Variants in MDGA1 observed in about 807,000 individuals in gnomAD.
MDGA1 encodes the protein MAM domain-containing glycosylphosphatidylinositol anchor protein 1.
MDGA1 carries 54 observed loss-of-function variants against 101.5 expected under a neutral mutation model. The ratio of observed to expected loss-of-function variants is 0.53; its 90% CI spans 0.43 to 0.67. The LOEUF (loss-of-function observed/expected upper bound fraction) is 0.67. MDGA1 is among the 30% of genes least tolerant of loss of function. The pLI is 0.00. For synonymous variants in MDGA1, 533 were observed against 558.3 expected, an observed-to-expected ratio of 0.95 and a Z score of 0.64; for missense variants, 1,083 against 1,323.8, an observed-to-expected ratio of 0.82 and a Z score of 2.82.
At position 37,635,175 on chromosome 6, in the gene MDGA1, A is replaced by C; in HGVS notation, c.*2193T>G. 3.3e-6 allele frequency: 1 copy of C among 301,124 alleles called. No individual in the cohort carries two copies. The highest frequency in any genetic ancestry group is 6.1e-6 in the Non-Finnish European group (1 of 164,206). The allele number at this position is 301,124 out of a possible 1,614,324, so 18.7% of individuals were successfully genotyped here. The stretch of plus-strand genomic sequence containing the variant: ...TTAACTCAGAACCTCTGAGGTGGGA[A>C]CCAAGCAGCAATACTTTTTAAAGGA... On this transcript the variant is annotated 3_prime_UTR_variant, in exon 17 of 17. Transcript: ENST00000434837.
At chr6:37,647,097 G>C in intron 10 of MDGA1, 76 bp downstream of exon 10, 1 of 1,365,420 alleles carries the variant, frequency 7.3e-7, no homozygotes, top group Non-Finnish European at 1.0e-6. Flanking sequence ...CCCTTCCTCT[G>C]GCCTTGATGA....
intron 14 of MDGA1, among the ~76,000 whole-genome samples, chr6:37,642,656 TA>T (rs1351648793): frequency 2.6e-5 from 4 of 152,108 alleles, no homozygotes; most frequent in African/African-American, 9.7e-5. Context: ...AAAACAATTT[TA>T]AAAAAATCAT....
At chr6:37,673,159 C>T (rs1218574254) in intron 1 of MDGA1, among the ~76,000 whole-genome samples, 1 of 152,176 alleles carries the variant, frequency 6.6e-6, no homozygotes, top group Admixed American at 6.5e-5. Context: ...GTCTGTCTGA[C>T]TCTCCGTCTT....
rs546624556 is a variant in MDGA1 at position 37,661,724 on chromosome 6, G to T, written c.207+2243C>A. ...AAGAGAGGCAGGTGGAGGCCAGATT[G>T]TAGAAGGTCTTCGATTCCATCCCTA... On this transcript the variant is annotated intron_variant, in intron 2 of 16. Coordinates refer to ENST00000434837, the MANE Select transcript of MDGA1 (RefSeq NM_153487.4). 8.5e-5 allele frequency among the ~76,000 whole-genome samples: 13 copies of T among 152,278 alleles called. No homozygotes were observed. The South Asian group carries it at 2.7e-3, about 32-fold the overall frequency.
chr6:37,671,175 A>AT (rs1160120701), intron 1 of MDGA1, among the ~76,000 whole-genome samples: 1 of 152,124 alleles, frequency 6.6e-6, no homozygotes, highest in Non-Finnish European at 1.5e-5. Flanking sequence ...ATCACAGACG[A>AT]TTTTCACTGT....
intron 12 of MDGA1, among the ~76,000 whole-genome samples, chr6:37,645,091 G>A (rs1761160585): frequency 6.6e-6 from 1 of 152,142 alleles, no homozygotes; most frequent in South Asian, 2.1e-4. Context: ...ATGATATTTA[G>A]AGATATCTGG....
intron 1 of MDGA1, among the ~76,000 whole-genome samples, chr6:37,683,595 A>G (rs1296452839): frequency 6.6e-6 from 1 of 152,212 alleles, no homozygotes; most frequent in African/African-American, 2.4e-5. Flanking sequence ...AGTACCGGGA[A>G]TTAACACCCC....
intron 1 of MDGA1, among the ~76,000 whole-genome samples, chr6:37,691,491 A>G (rs1762307306): frequency 6.6e-6 from 1 of 152,136 alleles, no homozygotes; most frequent in Non-Finnish European, 1.5e-5. Context: ...TCCCCCTCAC[A>G]CAAAAGGATC....
At chr6:37,670,166 T>C (rs1761837892) in intron 1 of MDGA1, among the ~76,000 whole-genome samples, 1 of 152,198 alleles carries the variant, frequency 6.6e-6, no homozygotes, top group Non-Finnish European at 1.5e-5. Flanking sequence ...CTCCCAGGGC[T>C]GCTAATGAGG....
chr6:37,692,590 C>T (rs561965762), intron 1 of MDGA1, among the ~76,000 whole-genome samples: 3 of 152,214 alleles, frequency 2.0e-5, no homozygotes, highest in East Asian at 3.9e-4. Flanking sequence ...TTTCCACTCC[C>T]GCCCCCAGGT....
rs1434647151 is a variant in MDGA1 at position 37,631,814 on chromosome 6, C to G, written c.*5554G>C. The G allele has an allele frequency of 6.6e-6, 1 of 152,176 alleles. No homozygotes were observed. The highest frequency in any genetic ancestry group is 1.5e-5 in the Non-Finnish European group (1 of 68,018). The allele number at this position is 152,176 out of a possible 1,614,324, so 9.4% of individuals were successfully genotyped here. A position where few individuals can be genotyped will look rare whatever the true frequency, so the allele number is the denominator to read the frequency against. ...ACTTGATCTTAGGGCAAGGATGCAG[C>G]TAGCTGGTGGTGAATAAGGGAGGCA... On this transcript the variant is annotated 3_prime_UTR_variant, in exon 17 of 17. Coordinates refer to ENST00000434837, the MANE Select transcript of MDGA1 (RefSeq NM_153487.4).
chr6:37,675,399 T>G (rs184511511), intron 1 of MDGA1, among the ~76,000 whole-genome samples: 187 of 152,304 alleles, frequency 1.2e-3, no homozygotes, highest in Admixed American at 3.6e-3. Context: ...ACACAGTGAC[T>G]TGTACTCAGC....
In MDGA1 at chr6:37,680,807, G is replaced by T. The variant is rs566803326; in HGVS notation, c.67+15938C>A. ...CATGCACCCAGCCCAGCCCAGATCT[G>T]GCACGGGCGCAGCGGGTGAGCGCAC... is the stretch of plus-strand genomic sequence containing the variant. On this transcript the variant is annotated intron_variant, in intron 1 of 16. Coordinates refer to ENST00000434837, the MANE Select transcript of MDGA1 (RefSeq NM_153487.4). Among the ~76,000 whole-genome samples the T allele has an allele frequency of 5.9e-5, 9 of 152,394 alleles. No homozygotes were observed. The South Asian group carries it at 6.2e-4, about 11-fold the overall frequency.
At chr6:37,679,343 C>T (rs1322627642) in intron 1 of MDGA1, among the ~76,000 whole-genome samples, 1 of 151,938 alleles carries the variant, frequency 6.6e-6, no homozygotes, top group African/African-American at 2.4e-5. Context: ...GCTGTGGATG[C>T]GGGAGGAGGG....
intron 1 of MDGA1, among the ~76,000 whole-genome samples, chr6:37,693,300 C>A (rs1762352329): frequency 6.6e-6 from 1 of 152,208 alleles, no homozygotes; most frequent in South Asian, 2.1e-4. Context: ...TCCTGAAATT[C>A]CTTCTCCGTG....
rs1763984190 is a variant in MDGA1, at chr6:37,638,383, AC to A, written c.2668-71del. On this transcript the variant is annotated intron_variant, in intron 15 of 16. Coordinates refer to ENST00000434837, the MANE Select transcript of MDGA1 (RefSeq NM_153487.4). This position sits in a 1 kb window ranked among gnomAD's most constrained non-coding sequence, Gnocchi z 4.8. Reference sequence around the variant, plus strand: ...TGCTGGGTACCAGAGTGCTCCCTCGACCCCACCTTTCCCCTTAATCTACCTG... The same window carrying A: ...TGCTGGGTACCAGAGTGCTCCCTCGACCCACCTTTCCCCTTAATCTACCTG... 3 of 1,505,396 alleles carry A rather than the reference AC, an allele frequency of 2.0e-6. No homozygotes were observed. The highest frequency in any genetic ancestry group is 2.7e-6 in the Non-Finnish European group (3 of 1,104,322). 93.3% of individuals were successfully genotyped at this position (1,505,396 alleles called of 1,614,324 possible). A position where few individuals can be genotyped will look rare whatever the true frequency, so the allele number is the denominator to read the frequency against.
chr6:37,644,015 G>A, intron 13 of MDGA1, 72 bp from the exon 14 acceptor site: 4 of 1,574,152 alleles, frequency 2.5e-6, no homozygotes, highest in Non-Finnish European at 3.4e-6. Flanking sequence ...TTCCCTCTCT[G>A]CCTAGGCCTC....
At chr6:37,637,655 G>A (rs56032608) in intron 16 of MDGA1, among the ~76,000 whole-genome samples, 196 bp from the exon 17 acceptor site, 27,242 of 152,054 alleles carry the variant, frequency 0.18, 2,833 homozygotes, top group Middle Eastern at 0.24. Context: ...GGTTAGCTCA[G>A]CCTGCCAGGG....
Position 37,697,204 on chromosome 6 carries a change from A to G in MDGA1, c.-393T>C, listed in dbSNP as rs940620602. 1.6e-5 allele frequency: 3 copies of G among 188,746 alleles called. No homozygotes were observed. The highest frequency in any genetic ancestry group is 2.2e-5 in the Non-Finnish European group (2 of 92,934). The allele number at this position is 188,746 out of a possible 1,614,324, so 11.7% of individuals were successfully genotyped here. A position where few individuals can be genotyped will look rare whatever the true frequency, so the allele number is the denominator to read the frequency against. On this transcript the variant is annotated 5_prime_UTR_variant, in exon 1 of 17. Transcript: ENST00000434837. ...CGATCCAACAGGCCACGGACGACTG[A>G]CAAACTTGTCGTTTCCCCGCACTGG...
Sources: allele counts gnomAD v4.1 joint callset (sites outside exome capture counted in the v4.1 genomes callset), GRCh38; gene constraint gnomAD v4.1.1; non-coding constraint Gnocchi (gnomAD v3.1); transcripts MANE v1.5; gene names NCBI Gene and HGNC (gene_info 2026-07-23, HGNC 2026-07-21).